KIF26B: variants seen among roughly 807,000 people sequenced by gnomAD.
The protein encoded by KIF26B is kinesin-like protein KIF26B.
In KIF26B, 63 loss-of-function variants were observed where a neutral mutation model predicts 151.2. The observed-to-expected ratio is 0.42, with a 90% CI of 0.34 to 0.51. The LOEUF is 0.51. Ranked by LOEUF, KIF26B falls within the 20% of genes least tolerant of loss-of-function variation. The pLI is 0.07. For synonymous variants in KIF26B, 1,357 were observed against 1,262.1 expected (o/e 1.08, Z -1.59); for missense variants, 2,813 against 2,913.6 (o/e 0.97, Z 0.79).
intron 4 of KIF26B, among the ~76,000 whole-genome samples, chr1:245,444,655 T>G (rs1466112651): frequency 6.6e-6 from 1 of 152,190 alleles, no homozygotes; most frequent in Non-Finnish European, 1.5e-5. Context: ...AAACAGAAGC[T>G]TGGGTTAGTT....
In KIF26B at chr1:245,587,361, G is replaced by A. The variant is rs529925555; in HGVS notation, c.1351-15216G>A. ...GTAAGCCCCTTGAAGACAGCAACTC[G>A]TTTTTAAGCTCTTTATAACCCCAGA... On this transcript the variant is annotated intron_variant, in intron 5 of 14. Coordinates refer to ENST00000407071, the MANE Select transcript of KIF26B (RefSeq NM_018012.4). 3.9e-5 allele frequency among the ~76,000 whole-genome samples: 6 copies of A among 152,188 alleles called. No individual in the cohort carries two copies. In the East Asian group the frequency reaches 7.7e-4, roughly 20 times the overall value.
chr1:245,254,353 A>T (rs905285307), intron 2 of KIF26B, among the ~76,000 whole-genome samples: 1 of 152,200 alleles, frequency 6.6e-6, no homozygotes, highest in Non-Finnish European at 1.5e-5. Context: ...CAGGCGTTGT[A>T]ACTTTCCAGA....
intron 5 of KIF26B, among the ~76,000 whole-genome samples, chr1:245,562,058 T>C (rs2042960926): frequency 6.6e-6 from 1 of 152,086 alleles, no homozygotes; most frequent in Admixed American, 6.6e-5. Context: ...GCATCTTCAG[T>C]GTGTGCAGAT....
intron 2 of KIF26B, among the ~76,000 whole-genome samples, chr1:245,230,119 C>T (rs137960481): frequency 0.013 from 1,943 of 145,756 alleles, 29 homozygotes; most frequent in African/African-American, 0.046. Context: ...GGCGATAGAG[C>T]GAGACTCCAT....
intron 5 of KIF26B, among the ~76,000 whole-genome samples, chr1:245,591,774 G>C (rs2043291189): frequency 6.6e-6 from 1 of 152,080 alleles, no homozygotes; most frequent in African/African-American, 2.4e-5. Context: ...TTCTAACTAG[G>C]CCACCGTCAG....
intron 10 of KIF26B, among the ~76,000 whole-genome samples, chr1:245,650,158 G>A (rs1400137198): frequency 3.3e-5 from 5 of 152,180 alleles, no homozygotes; most frequent in African/African-American, 4.8e-5. Context: ...GCACTGACAG[G>A]CTGCACAAAT....
intron 4 of KIF26B, among the ~76,000 whole-genome samples, chr1:245,514,092 G>T (rs1832515): frequency 0.24 from 37,208 of 152,050 alleles, 5,571 homozygotes; most frequent in East Asian, 0.49. Context: ...AGAGTAGATT[G>T]TAAGTGTTCT....
intron 2 of KIF26B, among the ~76,000 whole-genome samples, chr1:245,186,840 CT>C (rs564704850): frequency 0.016 from 2,380 of 150,052 alleles, 26 homozygotes; most frequent in Middle Eastern, 0.038. Flanking sequence ...AAGCCAAATA[CT>C]TTTTTTTTTC....
In KIF26B at chr1:245,155,074, G is replaced by A. The variant is rs567948519; in HGVS notation, c.-351G>A. On this transcript the variant is annotated 5_prime_UTR_variant, in exon 1 of 15. Coordinates refer to ENST00000407071, the MANE Select transcript of KIF26B (RefSeq NM_018012.4). The stretch of plus-strand genomic sequence containing the variant: ...CCGGCAGCGGCCGCGAGCCCTGATT[G>A]TATCCCTCGCTTTCCTCGTGGGGGA... 6.3e-6 allele frequency: 3 copies of A among 479,702 alleles called. No individual in the cohort carries two copies. Among genetic ancestry groups the A allele is most frequent in the African/African-American group, 6.1e-5 (3 of 49,232 alleles). The allele number at this position is 479,702 out of a possible 1,614,324, so 29.7% of individuals were successfully genotyped here.
intron 4 of KIF26B, among the ~76,000 whole-genome samples, chr1:245,521,500 C>T (rs993106983): frequency 4.6e-5 from 7 of 152,150 alleles, no homozygotes; most frequent in African/African-American, 1.2e-4. Flanking sequence ...AAACCATAGC[C>T]TTGTAAAACC....
chr1:245,570,415 CT>C (rs2043055991), intron 5 of KIF26B, among the ~76,000 whole-genome samples: 1 of 152,146 alleles, frequency 6.6e-6, no homozygotes, highest in Admixed American at 6.5e-5. Flanking sequence ...CTGTCTTTTT[CT>C]CATCACATCC....
In KIF26B at chr1:245,560,036, G is replaced by A. The variant is rs544690624; in HGVS notation, c.1350+19086G>A. Among the ~76,000 whole-genome samples the A allele has an allele frequency of 1.1e-4, 17 of 151,972 alleles. No individual in the cohort carries two copies. The highest frequency in any genetic ancestry group is 1.6e-4 in the Non-Finnish European group (11 of 67,982). ...CTCGTCTCTCATTCGTTTTTTTGGC[G>A]TGGAAACACGCTGCTCAGTCCTCAG... On this transcript the variant is annotated intron_variant, in intron 5 of 14. Coordinates refer to ENST00000407071, the MANE Select transcript of KIF26B (RefSeq NM_018012.4). This position sits in a 1 kb window ranked among gnomAD's most constrained non-coding sequence, Gnocchi z 4.3.
At chr1:245,543,270 T>A (rs915637309) in intron 5 of KIF26B, among the ~76,000 whole-genome samples, 4 of 151,990 alleles carry the variant, frequency 2.6e-5, no homozygotes, top group African/African-American at 9.7e-5. Context: ...ACAAAAATAG[T>A]TTAGAGGGCA....
intron 4 of KIF26B, among the ~76,000 whole-genome samples, chr1:245,461,135 T>C (rs1247114999): frequency 3.3e-5 from 5 of 152,104 alleles, no homozygotes; most frequent in African/African-American, 4.8e-5. Context: ...TTGCCTTCCC[T>C]CTGGAGGTGA....
rs200981354 is a variant in KIF26B at position 245,698,965 on chromosome 1, G to A, written c.6106G>A (p.Glu2036Lys). ...GATCGCCGAGGTCCGCGCGAAGTAC[G>A]AGTGGCTGATGAAGGAGCTGGAGGC... Reference protein sequence around the residue: ...QRIAEVRAKYEWLMKELEATK... With the variant: ...QRIAEVRAKYKWLMKELEATK... The change falls in exon 14 of 15, where the codon GAG becomes AAG. Residue 2036 changes from glutamate to lysine, a missense_variant. By Grantham distance (56) the Glu-to-Lys change is moderately conservative. Around this residue, in one of 3 missense-constraint regions of KIF26B, gnomAD observed 2,060 missense variants for 2,088.6 expected, o/e 0.99. Transcript: ENST00000407071. This position sits in a 1 kb window ranked among gnomAD's most constrained non-coding sequence, Gnocchi z 4.0. The A allele has an allele frequency of 6.6e-5, 106 of 1,614,052 alleles. No homozygotes were observed. In the Admixed American group the frequency reaches 7.5e-4, roughly 11 times the overall value.
At chr1:245,469,478 C>CATATAGTATGTATTATTAAT in intron 4 of KIF26B, among the ~76,000 whole-genome samples, 1 of 152,130 alleles carries the variant, frequency 6.6e-6, no homozygotes, top group African/African-American at 2.4e-5. Flanking sequence ...AGTTGTCAGG[C>CATATAGTATGTATTATTAAT]ATATAGTATG....
chr1:245,345,391 T>C (rs1672428465), intron 2 of KIF26B, among the ~76,000 whole-genome samples: 1 of 152,124 alleles, frequency 6.6e-6, no homozygotes, highest in Non-Finnish European at 1.5e-5. Context: ...TTTATGCCTC[T>C]CCCAACAGGA....
At chr1:245,180,750 A>G (rs992412259) in intron 2 of KIF26B, among the ~76,000 whole-genome samples, 3 of 152,156 alleles carry the variant, frequency 2.0e-5, no homozygotes, top group Admixed American at 6.5e-5. Flanking sequence ...AAGAGAAGGA[A>G]GCCGAGCTAC....
At chr1:245,676,134 A>T (rs2044354634) in intron 10 of KIF26B, 1 of 152,222 alleles carries the variant, frequency 6.6e-6, no homozygotes, top group South Asian at 2.1e-4. Context: ...ACAGAATTGT[A>T]TTCTGGAATT....
Sources: gnomAD v4.1 joint callset for allele counts (sites outside exome capture counted in the v4.1 genomes callset) on GRCh38, gnomAD v4.1.1 for gene constraint, gnomAD v4.1.1 regional missense constraint, Gnocchi (gnomAD v3.1) non-coding constraint, MANE v1.5 for transcripts, NCBI Gene and HGNC (gene_info 2026-07-23, HGNC 2026-07-21) for gene names.